SMYD3: variants seen among roughly 807,000 people sequenced by gnomAD.
The protein encoded by SMYD3 is SET and MYND domain containing 3.
In SMYD3, 36 loss-of-function variants were observed where a neutral mutation model predicts 57.7. The observed-to-expected ratio is 0.62, with a 90% CI of 0.48 to 0.82. The LOEUF (loss-of-function observed/expected upper bound fraction) is 0.82. Ranked by LOEUF, SMYD3 falls within the 40% of genes least tolerant of loss-of-function variation. SMYD3 has a pLI of 0.00. For missense variants in SMYD3, 515 were observed against 538.8 expected, an observed-to-expected ratio of 0.96 and a Z score of 0.44; for synonymous variants, 211 against 195.0, an observed-to-expected ratio of 1.08 and a Z score of -0.68.
chr1:245,914,123 A>C (rs2055223111), intron 8 of SMYD3, among the ~76,000 whole-genome samples: 1 of 152,204 alleles, frequency 6.6e-6, no homozygotes, highest in Non-Finnish European at 1.5e-5. Context: ...GGCCTCTACA[A>C]TGAGGCCACT....
intron 2 of SMYD3, among the ~76,000 whole-genome samples, chr1:246,336,541 T>C (rs1361823891): frequency 6.6e-6 from 1 of 152,164 alleles, no homozygotes; most frequent in Non-Finnish European, 1.5e-5. Context: ...AAAGTAAAGA[T>C]GTGTATGAAA....
At chr1:246,460,431 T>C (rs1394841451) in intron 1 of SMYD3, among the ~76,000 whole-genome samples, 2 of 152,250 alleles carry the variant, frequency 1.3e-5, no homozygotes, top group African/African-American at 4.8e-5. Flanking sequence ...AGAGGAACTT[T>C]TTAATATTTG....
chr1:245,834,771 A>C (rs1435581085), intron 10 of SMYD3, among the ~76,000 whole-genome samples: 3 of 152,184 alleles, frequency 2.0e-5, no homozygotes, highest in Non-Finnish European at 4.4e-5. Flanking sequence ...ATTTAGGCCC[A>C]GGCTCTGCCT....
chr1:245,801,766 G>A (rs1385641912), intron 10 of SMYD3, among the ~76,000 whole-genome samples: 3 of 149,866 alleles, frequency 2.0e-5, no homozygotes, highest in African/African-American at 7.3e-5. Flanking sequence ...TTGGAAAAAT[G>A]GGCTAAAGCT....
chr1:246,169,234 C>T (rs10737784), intron 5 of SMYD3, among the ~76,000 whole-genome samples: 125,759 of 151,876 alleles, frequency 0.83, 52,563 homozygotes, highest in Admixed American at 0.89. Flanking sequence ...GGTAAGCTCA[C>T]GTTTATCTTC....
intron 9 of SMYD3, among the ~76,000 whole-genome samples, chr1:245,859,333 C>T (rs971364270): frequency 6.6e-6 from 1 of 152,204 alleles, no homozygotes; most frequent in African/African-American, 2.4e-5. Flanking sequence ...GTATTAGGAA[C>T]ATGGCTTATG....
intron 5 of SMYD3, among the ~76,000 whole-genome samples, chr1:245,947,005 A>G (rs2057447977): frequency 1.3e-5 from 2 of 152,172 alleles, no homozygotes; most frequent in African/African-American, 4.8e-5. Context: ...TGCCAGATCA[A>G]TTTAGAAACA....
intron 5 of SMYD3, among the ~76,000 whole-genome samples, chr1:246,039,820 C>T (rs2059837564): frequency 6.6e-6 from 1 of 152,182 alleles, no homozygotes; most frequent in Non-Finnish European, 1.5e-5. Context: ...TCAGTACTCT[C>T]TGCCAATGAC....
At chr1:246,205,956 G>T (rs77259410) in intron 5 of SMYD3, among the ~76,000 whole-genome samples, 12,279 of 152,080 alleles carry the variant, frequency 0.081, 1,213 homozygotes, top group East Asian at 0.24. Context: ...CTATAAAAGG[G>T]TGAACAAATA....
intron 5 of SMYD3, among the ~76,000 whole-genome samples, chr1:245,987,577 TTTC>T (rs2058728358): frequency 2.0e-5 from 3 of 152,246 alleles, no homozygotes; most frequent in African/African-American, 7.2e-5. Context: ...AACTTCACGT[TTTC>T]TTAACTTATT....
At chr1:245,763,943 C>G in intron 11 of SMYD3, 98 bp downstream of exon 11, 1 of 893,356 alleles carries the variant, frequency 1.1e-6, no homozygotes, top group Non-Finnish European at 1.9e-6. Flanking sequence ...TGTATGCGTG[C>G]ACACATACAT....
chr1:245,921,872 G>C (rs940367368), intron 7 of SMYD3, among the ~76,000 whole-genome samples: 2 of 152,064 alleles, frequency 1.3e-5, no homozygotes, highest in East Asian at 3.9e-4. Flanking sequence ...GTGAAAAACT[G>C]TTGGGTACCA....
rs1270080505 is a variant in SMYD3, at chr1:246,326,514, CT to C, written c.531+686del. The C allele has an allele frequency of 1.5e-5, 8 of 545,082 alleles. No individual in the cohort carries two copies. In the East Asian group the frequency reaches 2.5e-4, roughly 17 times the overall value. 33.8% of individuals were successfully genotyped at this position (545,082 alleles called of 1,614,324 possible). On this transcript the variant is annotated intron_variant, in intron 5 of 11. Coordinates refer to ENST00000490107, the MANE Select transcript of SMYD3 (RefSeq NM_001167740.2). The stretch of plus-strand genomic sequence containing the variant: ...GGAGGCCGGGCGTGGCAGTTCGCGC[CT>C]GTAATCCCAGCACTTTGGGAGGCCG...
chr1:246,171,158 G>C (rs941163385), intron 5 of SMYD3, among the ~76,000 whole-genome samples: 1 of 152,102 alleles, frequency 6.6e-6, no homozygotes. Flanking sequence ...GGGTGAGGTA[G>C]AACCAATGCT....
At chr1:245,925,961 G>C (rs1180026729) in intron 7 of SMYD3, among the ~76,000 whole-genome samples, 1 of 152,104 alleles carries the variant, frequency 6.6e-6, no homozygotes, top group Non-Finnish European at 1.5e-5. Flanking sequence ...CCACAGACTG[G>C]GTAATTTATA....
At chr1:245,789,321 T>G (rs902947068) in intron 10 of SMYD3, among the ~76,000 whole-genome samples, 10 of 152,190 alleles carry the variant, frequency 6.6e-5, no homozygotes, top group African/African-American at 2.2e-4. Flanking sequence ...AACAGGGCCC[T>G]TTCTAACCAA....
At chr1:246,120,663 T>C (rs1452539837) in intron 5 of SMYD3, among the ~76,000 whole-genome samples, 1 of 152,210 alleles carries the variant, frequency 6.6e-6, no homozygotes, top group Non-Finnish European at 1.5e-5. Flanking sequence ...ATAATGACAT[T>C]GGCTAGATGG....
chr1:246,258,283 C>T lies in SMYD3; in HGVS notation c.531+68918G>A, dbSNP rs574963266. On this transcript the variant is annotated intron_variant, in intron 5 of 11. Coordinates refer to ENST00000490107, the MANE Select transcript of SMYD3 (RefSeq NM_001167740.2). ...AACTCCTGACCTCGTGATCCGCCCA[C>T]CTCGGCCTCCCAAAGTGCTGGGATT... Among the ~76,000 whole-genome samples the T allele has an allele frequency of 3.3e-5, 5 of 152,240 alleles. No individual in the cohort carries two copies. The South Asian group carries it at 8.3e-4, about 25-fold the overall frequency.
Position 245,874,470 on chromosome 1 carries a change from G to A in SMYD3, c.814-10584C>T, listed in dbSNP as rs535204601. Among the ~76,000 whole-genome samples the A allele has an allele frequency of 7.8e-4, 119 of 152,224 alleles. 2 individuals are homozygous for A. The South Asian group carries it at 0.023, about 29-fold the overall frequency. On this transcript the variant is annotated intron_variant, in intron 8 of 11. Coordinates refer to ENST00000490107, the MANE Select transcript of SMYD3 (RefSeq NM_001167740.2). Reference sequence around the variant, plus strand: ...ATAGCTTTTTAGGAGGCAATCTTACGGGTCATCTAAAGAAATGATTTATTT... The same window carrying A: ...ATAGCTTTTTAGGAGGCAATCTTACAGGTCATCTAAAGAAATGATTTATTT...
Sources: gnomAD v4.1 joint callset for allele counts (sites outside exome capture counted in the v4.1 genomes callset) on GRCh38, gnomAD v4.1.1 for gene constraint, MANE v1.5 for transcripts, NCBI Gene and HGNC (gene_info 2026-07-23, HGNC 2026-07-21) for gene names.